SUGCT: variants seen among roughly 807,000 people sequenced by gnomAD.
The protein encoded by SUGCT is succinyl-CoA:glutarate CoA-transferase.
In SUGCT, 41 loss-of-function variants were observed where a neutral mutation model predicts 55.0. The ratio of observed to expected loss-of-function variants is 0.74; its 90% CI spans 0.58 to 0.97. The LOEUF is 0.97. Ranked by LOEUF, SUGCT falls within the 50% of genes least tolerant of loss-of-function variation. The pLI, the probability that SUGCT is intolerant of heterozygous loss-of-function variation, is 0.00. For synonymous variants in SUGCT, 187 were observed against 200.4 expected (o/e 0.93, Z 0.56); for missense variants, 568 against 547.8 (o/e 1.04, Z -0.37).
intron 11 of SUGCT, among the ~76,000 whole-genome samples, chr7:40,476,385 C>T (rs1255630398): frequency 6.6e-6 from 1 of 151,808 alleles, no homozygotes; most frequent in African/African-American, 2.4e-5. Flanking sequence ...TAATTATCTG[C>T]CATTTTTTTT....
chr7:40,544,957 C>T (rs1462564967), intron 12 of SUGCT, among the ~76,000 whole-genome samples: 1 of 152,070 alleles, frequency 6.6e-6, no homozygotes, highest in African/African-American at 2.4e-5. Context: ...TATAGAATAG[C>T]TCTCCTCATG....
intron 1 of SUGCT, among the ~76,000 whole-genome samples, chr7:40,150,120 G>A (rs929276473): frequency 6.6e-6 from 1 of 152,134 alleles, no homozygotes; most frequent in Non-Finnish European, 1.5e-5. Context: ...TAGGAGTCAT[G>A]CGGCCGGAGG....
intron 8 of SUGCT, among the ~76,000 whole-genome samples, chr7:40,288,744 T>C (rs1026685089): frequency 1.2e-4 from 19 of 152,284 alleles, no homozygotes; most frequent in Admixed American, 3.9e-4. Flanking sequence ...ATATCCAAAA[T>C]ATTTTCCTTT....
rs557594733 is a variant in SUGCT, at chr7:40,787,994, A to G, written c.1153+38497A>G. Among the ~76,000 whole-genome samples, 274 of 152,206 alleles carry G rather than the reference A, an allele frequency of 1.8e-3. 2 individuals carry two copies. Among genetic ancestry groups the G allele is most frequent in the African/African-American group, 6.3e-3 (261 of 41,554 alleles). ...GCGAGGTGTTAGAGACCAGGGGGGA[A>G]AGCCTGGACTGTTATCTTCCAGCAG... On this transcript the variant is annotated intron_variant, in intron 13 of 13. Transcript: ENST00000335693.
intron 13 of SUGCT, among the ~76,000 whole-genome samples, chr7:40,827,898 C>T (rs906102965): frequency 2.0e-5 from 3 of 152,008 alleles, no homozygotes; most frequent in Non-Finnish European, 4.4e-5. Context: ...TTGATACTGC[C>T]AGCACAGAAG....
At chr7:40,802,616 A>G (rs1330685906) in intron 13 of SUGCT, among the ~76,000 whole-genome samples, 1 of 152,172 alleles carries the variant, frequency 6.6e-6, no homozygotes, top group Admixed American at 6.5e-5. Context: ...CCCAATGGAG[A>G]TGGAAGAGGA....
At chr7:40,387,630 G>A (rs1785192553) in intron 9 of SUGCT, among the ~76,000 whole-genome samples, 1 of 152,080 alleles carries the variant, frequency 6.6e-6, no homozygotes, top group African/African-American at 2.4e-5. Context: ...TGGTCCTGTT[G>A]TCCTGTGAAA....
intron 8 of SUGCT, among the ~76,000 whole-genome samples, chr7:40,283,681 G>A (rs143760597): frequency 1.6e-3 from 244 of 152,294 alleles, no homozygotes; most frequent in Middle Eastern, 0.01. Context: ...ACAAGTGTTG[G>A]TGAGGGTGTG....
intron 12 of SUGCT, among the ~76,000 whole-genome samples, chr7:40,605,029 T>C (rs1472816953): frequency 6.6e-6 from 1 of 152,222 alleles, no homozygotes; most frequent in Non-Finnish European, 1.5e-5. Flanking sequence ...TGCCCTCTGC[T>C]GGGCAGAGCA....
the SUGCT span, among the ~76,000 whole-genome samples, chr7:40,983,732 C>A: frequency 1.3e-5 from 2 of 152,128 alleles, no homozygotes; most frequent in Admixed American, 6.5e-5. Context: ...TGTCTATGAA[C>A]ATAGAAAATT....
chr7:40,776,304 A>G (rs1289697898), intron 13 of SUGCT, among the ~76,000 whole-genome samples: 1 of 152,220 alleles, frequency 6.6e-6, no homozygotes, highest in African/African-American at 2.4e-5. Flanking sequence ...ACGTGTGTTC[A>G]GAAGGGAGAC....
chr7:40,422,979 T>C (rs1200075242), intron 9 of SUGCT, among the ~76,000 whole-genome samples: 2 of 152,204 alleles, frequency 1.3e-5, no homozygotes, highest in African/African-American at 4.8e-5. Context: ...TACTTGCTCA[T>C]AGATGCTGAA....
chr7:40,705,883 G>T (rs1015299855), intron 12 of SUGCT, among the ~76,000 whole-genome samples: 18 of 152,060 alleles, frequency 1.2e-4, no homozygotes, highest in African/African-American at 4.3e-4. Flanking sequence ...GGTACAAAGG[G>T]CATGAGTTCA....
At chr7:40,956,989 G>T in the SUGCT span, among the ~76,000 whole-genome samples, 1 of 151,954 alleles carries the variant, frequency 6.6e-6, no homozygotes, top group Non-Finnish European at 1.5e-5. Context: ...GAGACAGTTT[G>T]TTATGATTTC....
At chr7:40,194,855 G>A (rs187145498) in intron 5 of SUGCT, 85 bp from the exon 6 acceptor site, 80 of 1,448,996 alleles carry the variant, frequency 5.5e-5, no homozygotes, top group Non-Finnish European at 7.2e-5. Flanking sequence ...TATTACAAAG[G>A]GAGAATCAAT....
intron 9 of SUGCT, among the ~76,000 whole-genome samples, chr7:40,435,926 C>CTTTCTTTTCT (rs545282209): frequency 0.084 from 11,201 of 133,420 alleles, 648 homozygotes; most frequent in Non-Finnish European, 0.13. Flanking sequence ...TTGCTGACTG[C>CTTTCTTTTCT]TTTCTTTTCT....
chr7:40,334,561 T>A (rs1422084107), intron 9 of SUGCT, among the ~76,000 whole-genome samples: 1 of 152,234 alleles, frequency 6.6e-6, no homozygotes, highest in African/African-American at 2.4e-5. Flanking sequence ...TTTTGAGAAG[T>A]GTCTGTTCAT....
At chr7:40,138,490 C>A (rs1270532562) in intron 1 of SUGCT, among the ~76,000 whole-genome samples, 1 of 152,094 alleles carries the variant, frequency 6.6e-6, no homozygotes, top group Non-Finnish European at 1.5e-5. Context: ...GTAATGATTT[C>A]TTTTCCTTTG....
intron 13 of SUGCT, among the ~76,000 whole-genome samples, chr7:40,782,400 GCTGT>G (rs1487796832): frequency 6.6e-6 from 1 of 151,686 alleles, no homozygotes; most frequent in Non-Finnish European, 1.5e-5. Context: ...CATTTTTCAG[GCTGT>G]CTATTAATAC....
Sources: allele counts gnomAD v4.1 joint callset (sites outside exome capture counted in the v4.1 genomes callset), GRCh38; gene constraint gnomAD v4.1.1; transcripts MANE v1.5; gene names NCBI Gene and HGNC (gene_info 2026-07-23, HGNC 2026-07-21).